Variants in AIG1 observed in about 807,000 individuals in gnomAD.
AIG1 encodes androgen induced 1.
Under a neutral mutation model 31.4 loss-of-function variants are expected in AIG1, and 23 were observed. The ratio of observed to expected loss-of-function variants is 0.73; its 90% CI spans 0.53 to 1.04. The LOEUF (loss-of-function observed/expected upper bound fraction) is 1.04. Among genes scored for constraint, AIG1 ranks in the 50% least tolerant of loss-of-function variants. The pLI is 0.00. For missense variants in AIG1, 274 were observed against 295.0 expected (o/e 0.93, Z 0.52); for synonymous variants, 100 against 110.5 (o/e 0.90, Z 0.60).
At chr6:143,067,818 T>A (rs1242542552) in intron 1 of AIG1, among the ~76,000 whole-genome samples, 1 of 152,140 alleles carries the variant, frequency 6.6e-6, no homozygotes, top group African/African-American at 2.4e-5. Context: ...CTGTTTTTTG[T>A]TTTTTGGGGT....
At chr6:143,223,518 C>T (rs1338182539) in intron 3 of AIG1, among the ~76,000 whole-genome samples, 1 of 151,952 alleles carries the variant, frequency 6.6e-6, no homozygotes, top group East Asian at 1.9e-4. Flanking sequence ...GGAGGTGTTG[C>T]TTTTTGAAAT....
intron 3 of AIG1, among the ~76,000 whole-genome samples, chr6:143,235,565 G>A (rs1461800647): frequency 6.6e-6 from 1 of 152,122 alleles, no homozygotes; most frequent in African/African-American, 2.4e-5. Flanking sequence ...ATGCCTCCCT[G>A]GCATGCCATG....
chr6:143,321,418 G>A (rs1217277130), intron 4 of AIG1, among the ~76,000 whole-genome samples: 1 of 151,716 alleles, frequency 6.6e-6, no homozygotes, highest in Non-Finnish European at 1.5e-5. Context: ...GGCCAACATG[G>A]CGAAACCCCA....
At chr6:143,090,289 C>A (rs775970744) in intron 1 of AIG1, among the ~76,000 whole-genome samples, 1 of 145,636 alleles carries the variant, frequency 6.9e-6, no homozygotes, top group Non-Finnish European at 1.5e-5. Context: ...ATCTATCTAT[C>A]TGTCTTTCTA....
Position 143,328,621 on chromosome 6 carries a change from A to T in AIG1, c.516-4661A>T, listed in dbSNP as rs530581996. Among the ~76,000 whole-genome samples the T allele has an allele frequency of 2.0e-5, 3 of 152,208 alleles. No individual in the cohort carries two copies. Among genetic ancestry groups the T allele is most frequent in the Non-Finnish European group, 4.4e-5 (3 of 68,030 alleles). ...ATTTACTTTTTTTCATCGATGCATT[A>T]TAGATGTACACAGTTTCAAGGTATA... On this transcript the variant is annotated intron_variant, in intron 4 of 5. Coordinates refer to ENST00000357847, the MANE Select transcript of AIG1 (RefSeq NM_016108.4). This position sits in a 1 kb window ranked among gnomAD's most constrained non-coding sequence, Gnocchi z 4.0.
At chr6:143,228,553 C>T (rs2128629860) in intron 3 of AIG1, among the ~76,000 whole-genome samples, 1 of 152,308 alleles carries the variant, frequency 6.6e-6, no homozygotes, top group Non-Finnish European at 1.5e-5. Flanking sequence ...CAAACAGCCA[C>T]AGACCCACAT....
chr6:143,135,508 T>C (rs1783653572), intron 1 of AIG1, among the ~76,000 whole-genome samples: 1 of 152,174 alleles, frequency 6.6e-6, no homozygotes, highest in Admixed American at 6.6e-5. Flanking sequence ...CTTAGCTTCT[T>C]TTACTCTGGC....
rs773483976 is a variant in AIG1, at chr6:143,333,376, A to G, written c.610A>G (p.Thr204Ala). 9.3e-6 allele frequency: 15 copies of G among 1,613,908 alleles called. No homozygotes were observed. The highest frequency in any genetic ancestry group is 3.3e-5 in the South Asian group (3 of 91,050). ...GARIIFFGSTTILMNFLYLLG... is the reference protein window; with the variant it reads ...GARIIFFGSTAILMNFLYLLG... ...CAGAATCATCTTCTTTGGGTCTACA[A>G]CCATCTTAATGAACTTCCTGTACCT... Residue 204 changes from threonine to alanine, a missense_variant, in exon 5 of 6, where the codon ACC becomes GCC. This residue lies in a region of AIG1 where 31 missense variants were observed against 56.5 expected (regional missense o/e 0.55). Transcript: ENST00000357847. The surrounding 1 kb of genome is among the most constrained non-coding windows in gnomAD (Gnocchi z 4.6).
chr6:143,235,085 A>C (rs1793713395), intron 3 of AIG1, among the ~76,000 whole-genome samples: 1 of 151,226 alleles, frequency 6.6e-6, no homozygotes. Flanking sequence ...TGAAAGTTAG[A>C]TGATGTGGTA....
downstream of AIG1, chr6:143,342,152 G>A: frequency 3.7e-6 from 2 of 539,362 alleles, no homozygotes; most frequent in African/African-American, 1.9e-5. Flanking sequence ...TCAAACTCCC[G>A]ACCTTAGGTG....
At chr6:143,096,082 A>G (rs930495830) in intron 1 of AIG1, among the ~76,000 whole-genome samples, 1 of 151,126 alleles carries the variant, frequency 6.6e-6, no homozygotes, top group East Asian at 1.9e-4. Flanking sequence ...AATTTTTTGT[A>G]TTTTTAGTAG....
At chr6:143,316,294 A>C (rs771132838) in intron 4 of AIG1, among the ~76,000 whole-genome samples, 1 of 152,142 alleles carries the variant, frequency 6.6e-6, no homozygotes, top group Non-Finnish European at 1.5e-5. Flanking sequence ...ACCACAGCAC[A>C]GTACCAAGAA....
chr6:143,151,025 A>G (rs754864464), intron 2 of AIG1, among the ~76,000 whole-genome samples: 2 of 152,188 alleles, frequency 1.3e-5, no homozygotes, highest in Admixed American at 6.5e-5. Context: ...TCAAACAGAA[A>G]GATTGCAGAC....
chr6:143,229,784 C>CAACAAAAAAAAAAAA (rs1554260078), intron 3 of AIG1, among the ~76,000 whole-genome samples: 1 of 80,714 alleles, frequency 1.2e-5, no homozygotes, highest in African/African-American at 3.8e-5. Context: ...ACTCTCAGAA[C>CAACAAAAAAAAAAAA]AAAAAAAAAA....
chr6:143,187,783 G>T, intron 3 of AIG1: 1 of 1,507,414 alleles, frequency 6.6e-7, no homozygotes, highest in South Asian at 1.3e-5. Context: ...ATTTGGAAAT[G>T]ACCTTGAAGC....
chr6:143,277,152 C>G (rs1489165004), intron 3 of AIG1, among the ~76,000 whole-genome samples: 3 of 152,152 alleles, frequency 2.0e-5, no homozygotes, highest in African/African-American at 7.2e-5. Context: ...ATTTCCAAAC[C>G]TGGAAATTTC....
At chr6:143,302,357 A>G (rs999626198) in intron 4 of AIG1, among the ~76,000 whole-genome samples, 8 of 151,766 alleles carry the variant, frequency 5.3e-5, no homozygotes, top group Non-Finnish European at 1.0e-4. Context: ...ATATCTCCTA[A>G]TGCTATCCCT....
intron 3 of AIG1, among the ~76,000 whole-genome samples, chr6:143,254,980 G>GT (rs2128651541): frequency 6.6e-6 from 1 of 152,314 alleles, no homozygotes; most frequent in South Asian, 2.1e-4. Context: ...TAAGGCTGCA[G>GT]TGAGCCCATG....
intron 1 of AIG1, among the ~76,000 whole-genome samples, chr6:143,126,596 C>T (rs1019907230): frequency 1.9e-4 from 29 of 152,158 alleles, no homozygotes; most frequent in African/African-American, 7.0e-4. Flanking sequence ...CCTTTCCATG[C>T]ATTATTTAAC....
Sources: gnomAD v4.1 joint callset for allele counts (sites outside exome capture counted in the v4.1 genomes callset) on GRCh38, gnomAD v4.1.1 for gene constraint, gnomAD v4.1.1 regional missense constraint, Gnocchi (gnomAD v3.1) non-coding constraint, MANE v1.5 for transcripts, NCBI Gene and HGNC (gene_info 2026-07-23, HGNC 2026-07-21) for gene names.